The following SPATC1 variants were observed in gnomAD, a reference collection of about 807,000 sequenced individuals.
SPATC1 encodes speriolin.
In SPATC1, 35 loss-of-function variants were observed where a neutral mutation model predicts 36.5. The ratio of observed to expected loss-of-function variants is 0.96; its 90% CI spans 0.73 to 1.27. The LOEUF is 1.27. Among genes scored for constraint, SPATC1 ranks in the 50% most tolerant of loss-of-function variants. SPATC1 has a pLI of 0.00. For missense variants in SPATC1, 779 were observed against 796.0 expected (o/e 0.98, Z 0.26); for synonymous variants, 361 against 353.6 (o/e 1.02, Z -0.24).
At chr8:144,030,547 C>A (rs1334827551) in intron 1 of SPATC1, among the ~76,000 whole-genome samples, 1 of 152,108 alleles carries the variant, frequency 6.6e-6, no homozygotes, top group African/African-American at 2.4e-5. Flanking sequence ...TTAGTAGAGA[C>A]TGGATTTCAC....
chr8:144,030,973 C>G (rs1460461590), intron 1 of SPATC1, among the ~76,000 whole-genome samples: 1 of 152,086 alleles, frequency 6.6e-6, no homozygotes, highest in Non-Finnish European at 1.5e-5. Flanking sequence ...CATCTTTATA[C>G]AGTATGTGCA....
At chr8:144,038,623 T>C (rs1834977994) in intron 1 of SPATC1, among the ~76,000 whole-genome samples, 1 of 151,256 alleles carries the variant, frequency 6.6e-6, no homozygotes, top group Non-Finnish European at 1.5e-5. Context: ...TACAGGTGTG[T>C]GCCACCAGGC....
intron 1 of SPATC1, among the ~76,000 whole-genome samples, chr8:144,038,937 G>C (rs1272346976): frequency 3.3e-5 from 5 of 152,168 alleles, no homozygotes; most frequent in African/African-American, 1.2e-4. Context: ...GACCTTCACA[G>C]AAAATGCTTG....
In SPATC1 at chr8:144,040,161, G is replaced by C; in HGVS notation, c.464G>C (p.Ser155Thr). The C allele has an allele frequency of 6.2e-7, 1 of 1,609,842 alleles. No individual in the cohort carries two copies. Among genetic ancestry groups the C allele is most frequent in the Non-Finnish European group, 8.5e-7 (1 of 1,178,976 alleles). ...IAGPLTGTLA[S>T]SLGLPSTGTL... Reference sequence around the variant, plus strand: ...GGACCCCTAACAGGCACACTGGCCAGTTCCCTGGGCCTGCCCTCCACTGGC... The same window carrying C: ...GGACCCCTAACAGGCACACTGGCCACTTCCCTGGGCCTGCCCTCCACTGGC... The change falls in exon 2 of 5, where the codon AGT (serine) becomes ACT (threonine). Residue 155 changes from serine to threonine, a missense_variant. By Grantham distance (58) the Ser-to-Thr change is moderately conservative. Coordinates refer to ENST00000377470, the MANE Select transcript of SPATC1 (RefSeq NM_198572.3).
chr8:144,039,919 GC>G lies in SPATC1; in HGVS notation c.227del (p.Pro76ArgfsTer26). 6.2e-7 allele frequency: 1 copy of G among 1,613,056 alleles called. No homozygotes were observed. The highest frequency in any genetic ancestry group is 8.5e-7 in the Non-Finnish European group (1 of 1,179,442). On this transcript the variant is annotated frameshift_variant, in exon 2 of 5. Transcript: ENST00000377470. LOFTEE classifies it high-confidence loss of function. Reference protein sequence around the residue: ...SSRQNNGVFLPPSPAVANERV... With the variant: ...SSRQNNGVFLXPSPAVANERV... ...TCTCTGTGTTCCCAGGTGTCTTCCT[GC>G]CCCCGTCCCCAGCAGTGGCAAACGA...
intron 1 of SPATC1, among the ~76,000 whole-genome samples, chr8:144,034,548 G>T (rs1286109422): frequency 2.0e-5 from 3 of 151,886 alleles, no homozygotes; most frequent in Non-Finnish European, 4.4e-5. Context: ...ACCCCTTAAA[G>T]GTCACCACCA....
intron 1 of SPATC1, among the ~76,000 whole-genome samples, chr8:144,021,436 C>A (rs1447845656): frequency 8.1e-6 from 1 of 123,612 alleles, no homozygotes; most frequent in South Asian, 3.3e-4. Context: ...AGAACCCTCT[C>A]CCCTCAAGAC....
At chr8:144,042,296 TATATATA>T (rs1835126319) in intron 4 of SPATC1, among the ~76,000 whole-genome samples, 1 of 56,788 alleles carries the variant, frequency 1.8e-5, no homozygotes, top group African/African-American at 1.1e-4. Flanking sequence ...TATATATATA[TATATATA>T]TATATATATT....
chr8:144,037,178 C>T (rs1235576395), intron 1 of SPATC1, among the ~76,000 whole-genome samples: 4 of 135,720 alleles, frequency 2.9e-5, no homozygotes, highest in African/African-American at 8.0e-5. Flanking sequence ...CCGGCCGCCC[C>T]GTCCGGGAGG....
Position 144,041,059 on chromosome 8 carries a change from C to T in SPATC1, c.1258C>T (p.Arg420Trp), listed in dbSNP as rs782414205. 31 of 1,600,366 alleles carry T rather than the reference C, an allele frequency of 1.9e-5. No homozygotes were observed. The highest frequency in any genetic ancestry group is 4.5e-5 in the South Asian group (4 of 89,546). The change falls in exon 3 of 5, where the codon CGG becomes TGG. Residue 420 changes from arginine (R) to tryptophan (W), a missense_variant. Coordinates refer to ENST00000377470, the MANE Select transcript of SPATC1 (RefSeq NM_198572.3). ...GACGAAGAGCATGATGGAGGTGGAA[C>T]GGAAGCTGGCCCACCGCAAGACCAG... is the stretch of plus-strand genomic sequence containing the variant. The part of the protein sequence containing the change: ...PSTKSMMEVE[R>W]KLAHRKTSKF...
chr8:144,040,749 A>C lies in SPATC1; in HGVS notation c.948A>C (p.Gln316His). The C allele has an allele frequency of 1.9e-6, 3 of 1,612,362 alleles. No homozygotes were observed. The highest frequency in any genetic ancestry group is 2.2e-5 in the South Asian group (2 of 90,936). The change falls in exon 3 of 5, where the codon CAA becomes CAC. Residue 316 changes from glutamine to histidine, a missense_variant. Gln to His is a conservative substitution (Grantham distance 24, BLOSUM62 0). Transcript: ENST00000377470. The stretch of plus-strand genomic sequence containing the variant: ...CCCAGCCCAGTGCCGCCCAGGAACA[A>C]GTGGTCCCTGCATCTGTCCCCACCT... The part of the protein sequence containing the change: ...TQAQPSAAQE[Q>H]VVPASVPTSP...
intron 1 of SPATC1, among the ~76,000 whole-genome samples, chr8:144,035,901 C>A (rs940870859): frequency 1.1e-4 from 16 of 152,196 alleles, no homozygotes; most frequent in Non-Finnish European, 7.3e-5. Context: ...AGACCCTGGG[C>A]TCTCCTAAGG....
chr8:144,014,558 C>A (rs1323953092), intron 1 of SPATC1, among the ~76,000 whole-genome samples: 3 of 152,098 alleles, frequency 2.0e-5, no homozygotes, highest in African/African-American at 7.2e-5. Context: ...CCAGGCTAAC[C>A]AAGCAAGCCC....
chr8:144,022,981 A>G (rs1247604343), intron 1 of SPATC1, among the ~76,000 whole-genome samples: 1 of 140,278 alleles, frequency 7.1e-6, no homozygotes, highest in Non-Finnish European at 1.5e-5. Flanking sequence ...TTCCCTCAGG[A>G]CCCTCTTCCC....
chr8:144,042,311 A>ATATAT (rs1412021347), intron 4 of SPATC1, among the ~76,000 whole-genome samples: 1 of 23,880 alleles, frequency 4.2e-5, no homozygotes, highest in Non-Finnish European at 6.3e-5. Context: ...ATATATATAT[A>ATATAT]TTTTTTTTTT....
At position 144,041,321 on chromosome 8, in the gene SPATC1, G is replaced by C; in HGVS notation, c.1396G>C (p.Val466Leu). 1.2e-6 allele frequency: 2 copies of C among 1,612,832 alleles called. No homozygotes were observed. The highest frequency in any genetic ancestry group is 1.7e-6 in the Non-Finnish European group (2 of 1,180,018). The change falls in exon 4 of 5, where the codon GTA becomes CTA. Residue 466 changes from valine (V) to leucine (L), a missense_variant. By Grantham distance (32) the Val-to-Leu change is conservative (BLOSUM62 1). Coordinates refer to ENST00000377470, the MANE Select transcript of SPATC1 (RefSeq NM_198572.3). Reference sequence around the variant, plus strand: ...CCTGTCCAGCATCTTCCCAGAGCGCGTACGGCTCTACGGCTTCACTGTCTC... The same window carrying C: ...CCTGTCCAGCATCTTCCCAGAGCGCCTACGGCTCTACGGCTTCACTGTCTC... ...RILSSIFPER[V>L]RLYGFTVSNI...
In SPATC1 at chr8:144,040,438, C is replaced by T. The variant is rs782498165; in HGVS notation, c.741C>T (p.Cys247=). 23 of 1,603,196 alleles carry T rather than the reference C, an allele frequency of 1.4e-5. No homozygotes were observed. Among genetic ancestry groups the T allele is most frequent in the Middle Eastern group, 1.7e-4 (1 of 6,016 alleles). The part of the protein sequence containing the change: ...GGPTGPQSPA[C]VVPTATTKVP... The stretch of plus-strand genomic sequence containing the variant: ...CCACTGGGCCCCAGTCCCCAGCTTG[C>T]GTGGTACCCACTGCCACCACCAAAG... The change falls in exon 2 of 5, where the codon TGC becomes TGT. Residue 247 remains cysteine, a synonymous_variant. Coordinates refer to ENST00000377470, the MANE Select transcript of SPATC1 (RefSeq NM_198572.3).
chr8:144,041,429 G>A, intron 4 of SPATC1, 58 bp downstream of exon 4: 18 of 1,584,028 alleles, frequency 1.1e-5, no homozygotes, highest in Non-Finnish European at 1.5e-5. Flanking sequence ...AGGGGCCGTG[G>A]GGACCCTGCA....
chr8:144,036,888 T>C (rs1834909576), intron 1 of SPATC1, among the ~76,000 whole-genome samples: 1 of 151,546 alleles, frequency 6.6e-6, no homozygotes, highest in African/African-American at 2.4e-5. Context: ...AAATAGCACG[T>C]CCGTAAGATG....
Sources: allele counts gnomAD v4.1 joint callset (sites outside exome capture counted in the v4.1 genomes callset), GRCh38; gene constraint gnomAD v4.1.1; transcripts MANE v1.5; gene names NCBI Gene and HGNC (gene_info 2026-07-23, HGNC 2026-07-21).